The following MTA3 variants were observed in gnomAD, a reference collection of about 807,000 sequenced individuals.
The protein encoded by MTA3 is metastasis-associated protein MTA3.
In MTA3, 34 loss-of-function variants were observed where a neutral mutation model predicts 83.5. The observed-to-expected ratio is 0.41, with a 90% confidence interval of 0.31 to 0.54. The LOEUF is 0.54. Ranked by LOEUF, MTA3 falls within the 20% of genes least tolerant of loss-of-function variation. MTA3 has a pLI of 0.33. For synonymous variants in MTA3, 303 were observed against 252.7 expected (o/e 1.20, Z -1.89); for missense variants, 761 against 726.4 (o/e 1.05, Z -0.55).
intron 2 of MTA3, among the ~76,000 whole-genome samples, chr2:42,517,490 T>C (rs1201437721): frequency 6.7e-6 from 1 of 149,892 alleles, no homozygotes; most frequent in Non-Finnish European, 1.5e-5. Context: ...GGAGAATTGC[T>C]TCAATCCGGG....
At chr2:42,665,960 CTATGT>C (rs1690193755) in intron 8 of MTA3, among the ~76,000 whole-genome samples, 1 of 152,100 alleles carries the variant, frequency 6.6e-6, no homozygotes, top group Non-Finnish European at 1.5e-5. Context: ...CCTCTGATTT[CTATGT>C]TATATCTGAT....
chr2:42,682,947 C>T (rs909550153), intron 9 of MTA3, among the ~76,000 whole-genome samples: 1 of 152,122 alleles, frequency 6.6e-6, no homozygotes, highest in Non-Finnish European at 1.5e-5. Context: ...TGGCACGTGC[C>T]TGTAGCCCGA....
chr2:42,613,843 T>TAAA (rs1684517479), intron 4 of MTA3: 1 of 152,142 alleles, frequency 6.6e-6, no homozygotes, highest in Admixed American at 6.6e-5. Flanking sequence ...GGAGTAGAGT[T>TAAA]AGTGATTCAT....
At chr2:42,594,641 T>C (rs916870154) in intron 3 of MTA3, among the ~76,000 whole-genome samples, 4 of 63,504 alleles carry the variant, frequency 6.3e-5, no homozygotes, top group South Asian at 9.2e-4. Flanking sequence ...CATCTTTTTA[T>C]ATATATATAT....
intron 3 of MTA3, among the ~76,000 whole-genome samples, chr2:42,586,513 CAAACACACAAAGGAAGGAAAA>C (rs1680318025): frequency 1.5e-5 from 2 of 131,666 alleles, no homozygotes; most frequent in African/African-American, 2.8e-5. Flanking sequence ...CACACACACA[CAAACACACAAAGGAAGGAAAA>C]ACACACACAC....
chr2:42,500,576 A>G (rs944536932), intron 2 of MTA3, among the ~76,000 whole-genome samples: 2 of 152,148 alleles, frequency 1.3e-5, no homozygotes, highest in East Asian at 1.9e-4. Context: ...GAAAAAACGT[A>G]AAAGTTCTCA....
chr2:42,648,175 G>C (rs1290125529), intron 6 of MTA3, among the ~76,000 whole-genome samples: 2 of 152,198 alleles, frequency 1.3e-5, no homozygotes, highest in East Asian at 3.9e-4. Flanking sequence ...TTTTTTAGGG[G>C]GGAAGGAGTG....
At chr2:42,674,238 A>G (rs1403341782) in intron 8 of MTA3, among the ~76,000 whole-genome samples, 1 of 152,258 alleles carries the variant, frequency 6.6e-6, no homozygotes, top group Non-Finnish European at 1.5e-5. Flanking sequence ...GTGGAGTGGA[A>G]GAATACTCTC....
At chr2:42,588,408 A>G (rs1680585327) in intron 3 of MTA3, among the ~76,000 whole-genome samples, 1 of 152,222 alleles carries the variant, frequency 6.6e-6, no homozygotes, top group Non-Finnish European at 1.5e-5. Context: ...CTTAGAGCTT[A>G]TAAAGGTGTC....
At chr2:42,556,612 T>C (rs1677404615) in intron 2 of MTA3, among the ~76,000 whole-genome samples, 1 of 152,200 alleles carries the variant, frequency 6.6e-6, no homozygotes, top group East Asian at 1.9e-4. Context: ...ATGCTGCAGA[T>C]GCTTTGGGTA....
At chr2:42,567,424 C>T (rs1558439978), upstream of MTA3, among the ~76,000 whole-genome samples, 1 of 152,170 alleles carries the variant, frequency 6.6e-6, no homozygotes, top group African/African-American at 2.4e-5. Flanking sequence ...CAAAACACAA[C>T]CTTCTTTTCT....
chr2:42,695,419 G>A (rs1693293057), intron 9 of MTA3, among the ~76,000 whole-genome samples: 1 of 151,848 alleles, frequency 6.6e-6, no homozygotes, highest in Admixed American at 6.6e-5. Flanking sequence ...CAGATCACCT[G>A]AGGTTAGGAG....
At chr2:42,735,266 G>C (rs113709601) in intron 16 of MTA3, among the ~76,000 whole-genome samples, 4 of 151,990 alleles carry the variant, frequency 2.6e-5, no homozygotes, top group Admixed American at 2.6e-4. Context: ...TTTTCCTTTA[G>C]CACTTTAAAT....
intron 9 of MTA3, among the ~76,000 whole-genome samples, chr2:42,687,662 C>T (rs1456674982): frequency 6.6e-6 from 1 of 152,142 alleles, no homozygotes; most frequent in African/African-American, 2.4e-5. Flanking sequence ...TCAGTGTAGC[C>T]AGACTGAACC....
intron 2 of MTA3, among the ~76,000 whole-genome samples, chr2:42,552,024 C>G (rs903247721): frequency 5.3e-5 from 8 of 152,058 alleles, no homozygotes; most frequent in African/African-American, 1.9e-4. Context: ...CCGTGCCTGG[C>G]CTGTTTGTTT....
chr2:42,619,270 A>G (rs1558508411), intron 4 of MTA3, among the ~76,000 whole-genome samples: 2 of 152,308 alleles, frequency 1.3e-5, no homozygotes, highest in Admixed American at 6.5e-5. Flanking sequence ...GCACTCATGA[A>G]AAAACTAACC....
intron 3 of MTA3, among the ~76,000 whole-genome samples, chr2:42,586,532 A>G (rs1238284787): frequency 8.9e-6 from 1 of 112,620 alleles, no homozygotes; most frequent in Admixed American, 1.0e-4. Context: ...AAAGGAAGGA[A>G]AAACACACAC....
chr2:42,580,796 A>G (rs917566732), intron 3 of MTA3, among the ~76,000 whole-genome samples: 4 of 152,094 alleles, frequency 2.6e-5, no homozygotes, highest in South Asian at 4.1e-4. Context: ...GGGTTTCACC[A>G]TGTTGGCCAG....
At chr2:42,643,535 G>GTA (rs1367084879) in intron 5 of MTA3, among the ~76,000 whole-genome samples, 1 of 152,104 alleles carries the variant, frequency 6.6e-6, no homozygotes, top group Non-Finnish European at 1.5e-5. Context: ...CTGTCTATAT[G>GTA]TATATATATG....
Sources: gnomAD v4.1 joint callset for allele counts (sites outside exome capture counted in the v4.1 genomes callset) on GRCh38, gnomAD v4.1.1 for gene constraint, MANE v1.5 for transcripts, NCBI Gene and HGNC (gene_info 2026-07-23, HGNC 2026-07-21) for gene names.